Variants in RBL1 observed in about 807,000 individuals in gnomAD.
RBL1 encodes the protein RB transcriptional corepressor like 1, also known as retinoblastoma-like protein 1.
RBL1 carries 82 observed loss-of-function variants against 123.0 expected under a neutral mutation model. The ratio of observed to expected loss-of-function variants is 0.67; its 90% confidence interval spans 0.56 to 0.80. The LOEUF (loss-of-function observed/expected upper bound fraction) is 0.80, where lower values mean the gene tolerates loss of function less well. Among genes scored for constraint, RBL1 ranks in the 30% least tolerant of loss-of-function variants. The probability of loss-of-function intolerance (pLI) is 0.00; values close to 1 mark genes in which losing one functional copy is unlikely to be tolerated. For synonymous variants in RBL1, 405 were observed against 441.3 expected (o/e 0.92, Z 1.03); for missense variants, 1,171 against 1,299.6 (o/e 0.90, Z 1.52).
intron 19 of RBL1, among the ~76,000 whole-genome samples, chr20:37,012,974 G>GC (rs2064187312): frequency 1.3e-5 from 2 of 150,820 alleles, no homozygotes; most frequent in South Asian, 2.1e-4. Context: ...GGGGGGGTCA[G>GC]CCCCCCGCCC....
At chr20:37,059,898 C>T (rs372538132) in intron 9 of RBL1, among the ~76,000 whole-genome samples, 5 of 151,652 alleles carry the variant, frequency 3.3e-5, no homozygotes, top group East Asian at 3.9e-4. Flanking sequence ...ATGGGCTGGG[C>T]GCGGTGGCTC....
intron 2 of RBL1, among the ~76,000 whole-genome samples, chr20:37,076,261 T>C (rs1337259930): frequency 6.6e-6 from 1 of 152,234 alleles, no homozygotes; most frequent in East Asian, 1.9e-4. Context: ...AGTATATATT[T>C]TCCTATACGC....
intron 10 of RBL1, 116 bp downstream of exon 10, chr20:37,056,030 C>T (rs1022025255): frequency 1.9e-5 from 28 of 1,443,820 alleles, no homozygotes; most frequent in African/African-American, 1.0e-4. Flanking sequence ...CTGGGCAACT[C>T]GGTCTCAAAA....
At chr20:37,003,053 G>A (rs1466892448) in intron 21 of RBL1, among the ~76,000 whole-genome samples, 1 of 152,144 alleles carries the variant, frequency 6.6e-6, no homozygotes, top group Non-Finnish European at 1.5e-5. Context: ...ACTTTGTCAA[G>A]TATAGTAGGA....
chr20:37,056,063 G>C (rs975263189), intron 10 of RBL1, 83 bp downstream of exon 10: 2 of 1,500,752 alleles, frequency 1.3e-6, no homozygotes, highest in African/African-American at 2.9e-5. Context: ...TAAGAATAAC[G>C]GGAGAGGAAA....
At chr20:37,088,265 C>CAA (rs1201898782) in intron 2 of RBL1, among the ~76,000 whole-genome samples, 5 of 53,578 alleles carry the variant, frequency 9.3e-5, no homozygotes, top group East Asian at 5.4e-4. Context: ...AACTCCATCT[C>CAA]AAAAAAAAAA....
At chr20:37,072,502 T>TA (rs917954558) in intron 2 of RBL1, among the ~76,000 whole-genome samples, 14 of 149,306 alleles carry the variant, frequency 9.4e-5, no homozygotes, top group South Asian at 2.1e-4. Flanking sequence ...AACTCCGTCT[T>TA]AAAAAAAAAA....
chr20:37,083,780 G>C (rs1372450522), intron 2 of RBL1, among the ~76,000 whole-genome samples: 2 of 151,620 alleles, frequency 1.3e-5, no homozygotes, highest in African/African-American at 4.8e-5. Context: ...CTCCAGCCTG[G>C]GCAACAGAGC....
intron 1 of RBL1, 110 bp downstream of exon 1, chr20:37,095,663 G>C: frequency 1.0e-6 from 1 of 1,000,078 alleles, no homozygotes; most frequent in Non-Finnish European, 1.4e-6. Context: ...GCTGCGCAGC[G>C]ACCCTCCTAG....
chr20:37,088,530 A>T (rs532745418), intron 2 of RBL1, among the ~76,000 whole-genome samples: 1 of 152,186 alleles, frequency 6.6e-6, no homozygotes, highest in Admixed American at 6.6e-5. Flanking sequence ...AGAATATGAA[A>T]ATTGGGAAAG....
intron 16 of RBL1, among the ~76,000 whole-genome samples, chr20:37,023,032 A>G (rs2064367931): frequency 6.6e-6 from 1 of 152,216 alleles, no homozygotes; most frequent in African/African-American, 2.4e-5. Flanking sequence ...TAAAGATGTC[A>G]TCTATTACTC....
intron 11 of RBL1, among the ~76,000 whole-genome samples, chr20:37,050,265 C>T (rs1043790713): frequency 9.9e-5 from 15 of 151,668 alleles, no homozygotes; most frequent in African/African-American, 1.7e-4. Flanking sequence ...AGAATAAGGC[C>T]GGGCGCAGTG....
intron 21 of RBL1, among the ~76,000 whole-genome samples, chr20:37,001,918 TAAA>T (rs757774894): frequency 1.2e-4 from 10 of 86,500 alleles, no homozygotes; most frequent in Non-Finnish European, 1.3e-4. Context: ...TGCAGAACAA[TAAA>T]AAAAAAAAAA....
intron 19 of RBL1, among the ~76,000 whole-genome samples, chr20:37,012,084 C>T (rs961274075): frequency 5.9e-5 from 9 of 152,246 alleles, no homozygotes; most frequent in African/African-American, 2.2e-4. Context: ...GGGCCGGTCT[C>T]CAGCTCCTAA....
intron 16 of RBL1, among the ~76,000 whole-genome samples, chr20:37,026,174 AATAG>A (rs1387388272): frequency 2.0e-5 from 3 of 152,232 alleles, no homozygotes; most frequent in African/African-American, 4.8e-5. Flanking sequence ...CTAAGAAATA[AATAG>A]ATAATCACTA....
chr20:37,093,662 GA>G (rs1290138761), intron 1 of RBL1, among the ~76,000 whole-genome samples: 1 of 118,890 alleles, frequency 8.4e-6, no homozygotes, highest in Admixed American at 8.9e-5. Context: ...TTTTTTTTTT[GA>G]GATGGAGTTA....
In RBL1 at chr20:36,997,124, G is replaced by A. The variant is rs1471209534; in HGVS notation, c.*1635C>T. 6.6e-6 allele frequency: 1 copy of A among 152,064 alleles called. No individual in the cohort carries two copies. Among genetic ancestry groups the A allele is most frequent in the African/African-American group, 2.4e-5 (1 of 41,400 alleles). 9.4% of individuals were successfully genotyped at this position (152,064 alleles called of 1,614,324 possible). A position where few individuals can be genotyped will look rare whatever the true frequency, so the allele number is the denominator to read the frequency against. On this transcript the variant is annotated 3_prime_UTR_variant, in exon 22 of 22. Transcript: ENST00000373664. ...AAACTTCTCAAAATTAATTATGAGT[G>A]GCTTATTCATGTCCTTTGGATTCCA...
intron 12 of RBL1, among the ~76,000 whole-genome samples, chr20:37,045,938 G>A (rs6030971): frequency 1.3e-4 from 20 of 152,266 alleles, no homozygotes; most frequent in African/African-American, 4.8e-4. Context: ...GCCAAGAAGC[G>A]TAACAGTAGC....
intron 9 of RBL1, among the ~76,000 whole-genome samples, chr20:37,057,450 C>T (rs1351991879): frequency 6.6e-6 from 1 of 150,946 alleles, no homozygotes; most frequent in South Asian, 2.1e-4. Flanking sequence ...ATTTGTAACT[C>T]CCTGATTAGT....
Sources: gnomAD v4.1 joint callset for allele counts (sites outside exome capture counted in the v4.1 genomes callset) on GRCh38, gnomAD v4.1.1 for gene constraint, MANE v1.5 for transcripts, NCBI Gene and HGNC (gene_info 2026-07-23, HGNC 2026-07-21) for gene names.